Variants in MIA3 observed in about 807,000 individuals in gnomAD.
The protein encoded by MIA3 is MIA SH3 domain ER export factor 3, also known as transport and Golgi organization protein 1 homolog.
A neutral mutation model predicts 192.4 loss-of-function variants in MIA3; 90 were observed. The observed-to-expected ratio is 0.47, with a 90% confidence interval of 0.39 to 0.56. The LOEUF is 0.56. Ranked by LOEUF, MIA3 falls within the 20% of genes least tolerant of loss-of-function variation. The probability of loss-of-function intolerance (pLI) is 0.00; values close to 1 mark genes in which losing one functional copy is unlikely to be tolerated. For synonymous variants in MIA3, 740 were observed against 792.8 expected (o/e 0.93, Z 1.12); for missense variants, 2,123 against 2,269.4 (o/e 0.94, Z 1.31).
intron 6 of MIA3, among the ~76,000 whole-genome samples, chr1:222,643,558 T>C (rs938762732): frequency 6.6e-6 from 1 of 152,328 alleles, no homozygotes; most frequent in East Asian, 1.9e-4. Context: ...ATTTTTTATC[T>C]ACAGATACCA....
At chr1:222,626,067 G>C (rs1662104876) in intron 3 of MIA3, among the ~76,000 whole-genome samples, 1 of 152,138 alleles carries the variant, frequency 6.6e-6, no homozygotes, top group East Asian at 1.9e-4. Context: ...CCCCCCATCT[G>C]ATTGTTTTGT....
rs780004432 is a variant in MIA3 at position 222,659,996 on chromosome 1, T to C, written c.4965T>C (p.Pro1655=). The C allele has an allele frequency of 3.7e-6, 6 of 1,612,684 alleles. No homozygotes were observed. The South Asian group carries it at 5.5e-5, about 15-fold the overall frequency. Residue 1655 remains proline, a synonymous_variant, in exon 23 of 28, where the codon CCT becomes CCC. Transcript: ENST00000344922. ...PMPGKPNTQN[P]PRRGPLSQNG... is the part of the protein sequence containing the mutation. ...CAGGAAAACCAAATACACAAAACCC[T>C]CCACGGAGAGGTAAGGGAGCTACCT...
intron 18 of MIA3, among the ~76,000 whole-genome samples, chr1:222,656,891 T>A (rs1437476172): frequency 6.6e-6 from 1 of 152,254 alleles, no homozygotes; most frequent in Non-Finnish European, 1.5e-5. Flanking sequence ...TTTTATAGTT[T>A]CTAATCCTCT....
intron 8 of MIA3, among the ~76,000 whole-genome samples, 174 bp downstream of exon 8, chr1:222,649,024 C>T (rs1663285268): frequency 6.6e-6 from 1 of 152,054 alleles, no homozygotes; most frequent in Admixed American, 6.6e-5. Flanking sequence ...GGTGATGCTA[C>T]CAACTGAGAT....
intron 26 of MIA3, 172 bp from the exon 27 acceptor site, chr1:222,663,826 T>C (rs1664142649): frequency 4.8e-6 from 3 of 627,730 alleles, no homozygotes; most frequent in Admixed American, 5.7e-5. Context: ...ACTTTTAACC[T>C]TTCTAAGCTT....
intron 7 of MIA3, chr1:222,645,981 A>G: frequency 3.4e-6 from 1 of 290,954 alleles, no homozygotes; most frequent in South Asian, 3.4e-5. Context: ...AGAATTAGAT[A>G]GGTCATATGT....
rs1663015933 is a variant in MIA3, at chr1:222,644,302, T to C, written c.3478-1252T>C. ...GAGGTGCGCCAGGGGCAGTGGCTGA[T>C]GACGTGTTTTATAGGCGGCATAAAG... On this transcript the variant is annotated intron_variant, in intron 6 of 27. Transcript: ENST00000344922. 4 of 1,424,852 alleles carry C rather than the reference T, an allele frequency of 2.8e-6. No homozygotes were observed. In the South Asian group the frequency reaches 5.7e-5, roughly 20 times the overall value. The allele number at this position is 1,424,852 out of a possible 1,614,324, so 88.3% of individuals were successfully genotyped here.
chr1:222,623,247 T>C (rs544566561), intron 2 of MIA3, among the ~76,000 whole-genome samples: 8 of 152,066 alleles, frequency 5.3e-5, no homozygotes, highest in African/African-American at 1.9e-4. Context: ...ACATAAAGAT[T>C]TTTTCTTGTC....
At chr1:222,650,183 A>G (rs781307931) in intron 8 of MIA3, 109 bp from the exon 9 acceptor site, 5 of 722,394 alleles carry the variant, frequency 6.9e-6, no homozygotes, top group Non-Finnish European at 1.3e-5. Flanking sequence ...TATGCTGAGA[A>G]GTTATTTTTT....
chr1:222,638,797 A>G (rs1025096352), intron 6 of MIA3, among the ~76,000 whole-genome samples: 5 of 152,210 alleles, frequency 3.3e-5, no homozygotes, highest in Non-Finnish European at 7.3e-5. Flanking sequence ...CACTACCTAT[A>G]TTAGAAAAAA....
chr1:222,640,322 C>T (rs1448581977), intron 6 of MIA3, among the ~76,000 whole-genome samples: 1 of 152,026 alleles, frequency 6.6e-6, no homozygotes, highest in African/African-American at 2.4e-5. Flanking sequence ...AAATGACAAG[C>T]TGATTCTACA....
In MIA3 at chr1:222,667,087, A is replaced by G. The variant is rs1254509841; in HGVS notation, c.*1468A>G. On this transcript the variant is annotated 3_prime_UTR_variant, in exon 28 of 28. Coordinates refer to ENST00000344922, the MANE Select transcript of MIA3 (RefSeq NM_198551.4). ...TTAATCGATTAAGAATACCTTGTAA[A>G]AAGGAGCAAAAGCTTCAATGTGAAA... 2.0e-5 allele frequency: 3 copies of G among 152,208 alleles called. No homozygotes were observed. The highest frequency in any genetic ancestry group is 7.2e-5 in the African/African-American group (3 of 41,464). The allele number at this position is 152,208 out of a possible 1,614,324, so 9.4% of individuals were successfully genotyped here. A position where few individuals can be genotyped will look rare whatever the true frequency, so the allele number is the denominator to read the frequency against.
intron 26 of MIA3, chr1:222,662,892 A>G (rs563661383): frequency 6.4e-6 from 1 of 156,178 alleles, no homozygotes; most frequent in South Asian, 1.9e-4. Flanking sequence ...TTACAGATTG[A>G]TAACAGAAGA....
chr1:222,626,913 G>A (rs1421564537), intron 3 of MIA3, among the ~76,000 whole-genome samples: 2 of 152,152 alleles, frequency 1.3e-5, no homozygotes, highest in African/African-American at 4.8e-5. Context: ...GACATAGAGG[G>A]CACAATGTAG....
chr1:222,639,470 T>C (rs184587674), intron 6 of MIA3, among the ~76,000 whole-genome samples: 6 of 152,208 alleles, frequency 3.9e-5, no homozygotes, highest in African/African-American at 1.4e-4. Context: ...CTCATAAACA[T>C]TGGTACAAAA....
intron 1 of MIA3, 36 bp downstream of exon 1, chr1:222,618,279 G>T: frequency 7.3e-7 from 1 of 1,372,090 alleles, no homozygotes; most frequent in Non-Finnish European, 9.6e-7. Flanking sequence ...CCTCGGGGCG[G>T]CTGGCCTTGG....
intron 8 of MIA3, 58 bp downstream of exon 8, chr1:222,648,908 T>C (rs367881520): frequency 1.1e-4 from 127 of 1,110,918 alleles, no homozygotes; most frequent in South Asian, 1.7e-4. Flanking sequence ...GTGTTTGATA[T>C]GGATTTTATA....
At chr1:222,649,995 T>C (rs942732370) in intron 8 of MIA3, among the ~76,000 whole-genome samples, 3 of 152,074 alleles carry the variant, frequency 2.0e-5, no homozygotes, top group Non-Finnish European at 4.4e-5. Flanking sequence ...CCACAAGAAC[T>C]CAGTCACCAT....
chr1:222,624,637 A>G (rs1662025829), intron 2 of MIA3, 131 bp from the exon 3 acceptor site: 1 of 594,830 alleles, frequency 1.7e-6, no homozygotes, highest in Non-Finnish European at 3.1e-6. Flanking sequence ...TAGCGGAGAA[A>G]AGTAATGACA....
Sources: gnomAD v4.1 joint callset for allele counts (sites outside exome capture counted in the v4.1 genomes callset) on GRCh38, gnomAD v4.1.1 for gene constraint, MANE v1.5 for transcripts, NCBI Gene and HGNC (gene_info 2026-07-23, HGNC 2026-07-21) for gene names.